Variants in GABRB1 observed in about 807,000 individuals in gnomAD.
GABRB1 encodes gamma-aminobutyric acid type A receptor subunit beta1.
In GABRB1, 17 loss-of-function variants were observed where a neutral mutation model predicts 51.6. The observed-to-expected ratio is 0.33, with a 90% CI of 0.23 to 0.49. The LOEUF is 0.49. Among genes scored for constraint, GABRB1 ranks in the 20% least tolerant of loss-of-function variants. The pLI, the probability that GABRB1 is intolerant of heterozygous loss-of-function variation, is 0.99. For missense variants in GABRB1, 410 were observed against 600.6 expected (o/e 0.68, Z 3.32); for synonymous variants, 247 against 218.9 (o/e 1.13, Z -1.14).
At chr4:47,256,939 C>CAT (rs1722226854) in intron 4 of GABRB1, among the ~76,000 whole-genome samples, 1 of 152,174 alleles carries the variant, frequency 6.6e-6, no homozygotes, top group Admixed American at 6.5e-5. Context: ...CCCTACTTTA[C>CAT]AGATGAGGAA....
At chr4:47,036,740 T>TA (rs1214933702) in intron 3 of GABRB1, among the ~76,000 whole-genome samples, 1 of 152,044 alleles carries the variant, frequency 6.6e-6, no homozygotes, top group Non-Finnish European at 1.5e-5. Context: ...TGCGTGCCTA[T>TA]AGTTCCAGCT....
At chr4:47,227,408 G>A (rs1720981931) in intron 4 of GABRB1, among the ~76,000 whole-genome samples, 1 of 152,068 alleles carries the variant, frequency 6.6e-6, no homozygotes, top group South Asian at 2.1e-4. Flanking sequence ...TTAAGTGTGG[G>A]CTTCAAGAAA....
At chr4:47,219,354 G>A (rs1720683637) in intron 4 of GABRB1, among the ~76,000 whole-genome samples, 1 of 151,810 alleles carries the variant, frequency 6.6e-6, no homozygotes, top group African/African-American at 2.4e-5. Flanking sequence ...ACTGCTTGCA[G>A]AAATTAGATA....
chr4:47,132,025 G>C (rs1560549906), intron 3 of GABRB1, among the ~76,000 whole-genome samples: 3 of 151,826 alleles, frequency 2.0e-5, no homozygotes, highest in African/African-American at 7.3e-5. Context: ...GAATTTTCAT[G>C]TTTTTTTAAA....
At chr4:47,226,370 C>T (rs1043330700) in intron 4 of GABRB1, among the ~76,000 whole-genome samples, 1 of 151,970 alleles carries the variant, frequency 6.6e-6, no homozygotes, top group South Asian at 2.1e-4. Flanking sequence ...ATGACAATAC[C>T]AGACGAAAGA....
chr4:47,037,712 C>A (rs1019320156), intron 3 of GABRB1, among the ~76,000 whole-genome samples: 1 of 152,054 alleles, frequency 6.6e-6, no homozygotes, highest in Non-Finnish European at 1.5e-5. Flanking sequence ...ACTTACTGAA[C>A]ATTTTCCATA....
chr4:47,008,258 C>T (rs1195920299), intron 1 of GABRB1, among the ~76,000 whole-genome samples: 2 of 151,884 alleles, frequency 1.3e-5, no homozygotes, highest in Admixed American at 6.6e-5. Context: ...TGTGGGACAA[C>T]CAAAAGTGCC....
intron 4 of GABRB1, among the ~76,000 whole-genome samples, chr4:47,215,174 C>A (rs1000354348): frequency 6.6e-6 from 1 of 151,920 alleles, no homozygotes; most frequent in Non-Finnish European, 1.5e-5. Context: ...GATGGGACAC[C>A]CACAATAATG....
intron 3 of GABRB1, among the ~76,000 whole-genome samples, chr4:47,059,893 G>A (rs947956927): frequency 3.9e-5 from 6 of 152,020 alleles, no homozygotes; most frequent in Non-Finnish European, 5.9e-5. Context: ...AAATCTACCC[G>A]CTGTCAAACA....
At position 47,012,718 on chromosome 4, in the gene GABRB1, A is replaced by G. The variant is rs1038106283; in HGVS notation, c.-20+18792A>G. ...TTGACACAGGTATCTGGCTCCTCTC[A>G]TTACATGGCTCCACTATCTTAGATT... On this transcript the variant is annotated intron_variant, in intron 1 of 3. Coordinates refer to the GABRB1 transcript ENST00000513567. 3.9e-5 allele frequency among the ~76,000 whole-genome samples: 6 copies of G among 152,262 alleles called. No homozygotes were observed. In the East Asian group the frequency reaches 7.7e-4, roughly 20 times the overall value.
chr4:47,031,822 CTTG>C (rs1725315425), intron 1 of GABRB1, 89 bp from the exon 2 acceptor site: 2 of 1,498,930 alleles, frequency 1.3e-6, no homozygotes, highest in Non-Finnish European at 1.9e-6. Context: ...GATCATGTAT[CTTG>C]TTGTTTGGGG....
intron 3 of GABRB1, among the ~76,000 whole-genome samples, chr4:47,049,338 C>T (rs774543292): frequency 4.6e-5 from 7 of 152,074 alleles, no homozygotes; most frequent in South Asian, 2.1e-4. Flanking sequence ...TGGGGCCGTA[C>T]GTCAACAACA....
chr4:47,322,051 T>C (rs972137166), intron 5 of GABRB1, among the ~76,000 whole-genome samples: 1 of 152,182 alleles, frequency 6.6e-6, no homozygotes, highest in Admixed American at 6.5e-5. Flanking sequence ...AAAAGATGAC[T>C]TTAAGTCCAT....
At chr4:47,141,397 G>A (rs571576448) in intron 3 of GABRB1, among the ~76,000 whole-genome samples, 1 of 152,048 alleles carries the variant, frequency 6.6e-6, no homozygotes, top group African/African-American at 2.4e-5. Context: ...TTTAGAATTT[G>A]AGAAGGTAGC....
chr4:47,335,260 G>GTT (rs1001676850), intron 5 of GABRB1, among the ~76,000 whole-genome samples: 5 of 150,534 alleles, frequency 3.3e-5, no homozygotes, highest in African/African-American at 1.0e-4. Context: ...TCAGTATCCA[G>GTT]TTATATATAT....
intron 4 of GABRB1, among the ~76,000 whole-genome samples, chr4:47,293,552 C>T (rs1397749654): frequency 6.6e-6 from 1 of 151,882 alleles, no homozygotes; most frequent in African/African-American, 2.4e-5. Context: ...CAAAAGATAT[C>T]TATAGATATA....
chr4:47,144,942 CA>C (rs1298750754), intron 3 of GABRB1, among the ~76,000 whole-genome samples: 9 of 151,656 alleles, frequency 5.9e-5, no homozygotes, highest in Non-Finnish European at 1.0e-4. Flanking sequence ...GAGACATTAA[CA>C]AAGTAACAAA....
chr4:47,412,465 A>G (rs1011687499), intron 8 of GABRB1, among the ~76,000 whole-genome samples: 5 of 152,126 alleles, frequency 3.3e-5, no homozygotes, highest in African/African-American at 1.2e-4. Flanking sequence ...TGTTCCTATC[A>G]TTTTTATTTT....
At chr4:47,266,443 T>G (rs1722644715) in intron 4 of GABRB1, among the ~76,000 whole-genome samples, 1 of 152,178 alleles carries the variant, frequency 6.6e-6, no homozygotes, top group Non-Finnish European at 1.5e-5. Flanking sequence ...TAGGATTGTT[T>G]TTTCTAATTC....
Sources: allele counts gnomAD v4.1 joint callset (sites outside exome capture counted in the v4.1 genomes callset), GRCh38; gene constraint gnomAD v4.1.1; transcripts MANE v1.5; gene names NCBI Gene and HGNC (gene_info 2026-07-23, HGNC 2026-07-21).